ZNF385D: variants seen among roughly 807,000 people sequenced by gnomAD.
The protein encoded by ZNF385D is zinc finger protein 659.
In ZNF385D, 15 loss-of-function variants were observed where a neutral mutation model predicts 35.8. The observed-to-expected ratio is 0.42, with a 90% CI of 0.28 to 0.64. The LOEUF is 0.64. Ranked by LOEUF, ZNF385D falls within the 30% of genes least tolerant of loss-of-function variation. ZNF385D has a pLI of 0.23. For missense variants in ZNF385D, 474 were observed against 494.6 expected, an observed-to-expected ratio of 0.96 and a Z score of 0.39; for synonymous variants, 212 against 186.8, an observed-to-expected ratio of 1.13 and a Z score of -1.10.
intron 1 of ZNF385D, among the ~76,000 whole-genome samples, chr3:21,670,402 A>G (rs1015195330): frequency 3.9e-5 from 6 of 151,936 alleles, no homozygotes; most frequent in African/African-American, 1.4e-4. Context: ...AGCATTTTGT[A>G]TAATATTAGA....
intron 3 of ZNF385D, among the ~76,000 whole-genome samples, chr3:21,910,850 A>G (rs1462064312): frequency 3.9e-5 from 6 of 151,910 alleles, no homozygotes; most frequent in Non-Finnish European, 7.4e-5. Flanking sequence ...TTCAAAATGT[A>G]GAGTACTAAG....
intron 3 of ZNF385D, among the ~76,000 whole-genome samples, chr3:22,137,037 A>G (rs1437156956): frequency 6.6e-6 from 1 of 152,200 alleles, no homozygotes; most frequent in Admixed American, 6.5e-5. Context: ...AAGCCCATAG[A>G]ATGTATAACA....
At chr3:21,910,611 T>C (rs1699915907) in intron 3 of ZNF385D, among the ~76,000 whole-genome samples, 1 of 151,930 alleles carries the variant, frequency 6.6e-6, no homozygotes, top group Non-Finnish European at 1.5e-5. Context: ...TTCAGAGACC[T>C]ATAATCGTTG....
intron 2 of ZNF385D, among the ~76,000 whole-genome samples, chr3:22,346,014 A>G (rs1040949456): frequency 2.0e-5 from 3 of 152,096 alleles, no homozygotes; most frequent in Non-Finnish European, 4.4e-5. Context: ...GTTGATCCCA[A>G]AAAGAACTCC....
intron 3 of ZNF385D, among the ~76,000 whole-genome samples, chr3:21,758,996 A>C (rs997695607): frequency 4.0e-5 from 6 of 148,438 alleles, no homozygotes; most frequent in Admixed American, 6.7e-5. Context: ...AAAAAAAAAA[A>C]AAAAAAAAAA....
chr3:21,567,945 T>G (rs2063206725), intron 2 of ZNF385D, among the ~76,000 whole-genome samples: 1 of 152,138 alleles, frequency 6.6e-6, no homozygotes, highest in African/African-American at 2.4e-5. Flanking sequence ...GTCTTTAGAT[T>G]AAGTTATTTT....
chr3:21,494,933 A>G (rs142064402), intron 4 of ZNF385D, among the ~76,000 whole-genome samples: 3 of 152,288 alleles, frequency 2.0e-5, no homozygotes, highest in Admixed American at 2.0e-4. Context: ...CCTCCTTTAT[A>G]GGAAAAGATT....
chr3:22,047,949 T>C (rs1699105280), intron 3 of ZNF385D, among the ~76,000 whole-genome samples: 1 of 152,220 alleles, frequency 6.6e-6, no homozygotes, highest in African/African-American at 2.4e-5. Flanking sequence ...CTAACAGATA[T>C]GAGGTAATAG....
chr3:22,146,872 A>T (rs906734232), intron 3 of ZNF385D, among the ~76,000 whole-genome samples: 7 of 152,156 alleles, frequency 4.6e-5, no homozygotes, highest in Non-Finnish European at 1.0e-4. Flanking sequence ...ATTTCTCCTA[A>T]GTTCTGAAAC....
At chr3:21,807,731 G>C (rs1275669647) in intron 3 of ZNF385D, among the ~76,000 whole-genome samples, 1 of 152,100 alleles carries the variant, frequency 6.6e-6, no homozygotes, top group African/African-American at 2.4e-5. Flanking sequence ...AGCATCATTT[G>C]TATAATTTCT....
chr3:21,538,037 T>A (rs1393998028), intron 3 of ZNF385D, among the ~76,000 whole-genome samples: 2 of 152,068 alleles, frequency 1.3e-5, no homozygotes, highest in Non-Finnish European at 2.9e-5. Context: ...TAACATTCTG[T>A]AAGATTGAAT....
At chr3:21,631,057 A>C (rs1230242433) in intron 2 of ZNF385D, among the ~76,000 whole-genome samples, 3 of 152,108 alleles carry the variant, frequency 2.0e-5, no homozygotes, top group Non-Finnish European at 4.4e-5. Context: ...ATTTATATTT[A>C]ATGGTTTGTA....
chr3:21,772,419 G>C (rs182138265), intron 3 of ZNF385D, among the ~76,000 whole-genome samples: 3 of 151,828 alleles, frequency 2.0e-5, no homozygotes, highest in African/African-American at 4.8e-5. Context: ...AATGGACAAA[G>C]AACTTGAATA....
chr3:22,269,711 C>CT (rs974738229), intron 2 of ZNF385D, among the ~76,000 whole-genome samples: 3 of 151,710 alleles, frequency 2.0e-5, no homozygotes, highest in East Asian at 1.9e-4. Flanking sequence ...TGATCATTCT[C>CT]TTTTTTTGGG....
rs186525605 is a variant in ZNF385D at position 21,810,961 on chromosome 3, T to C, written c.326-145933A>G. Among the ~76,000 whole-genome samples the C allele has an allele frequency of 7.2e-4, 100 of 138,262 alleles. 1 individual carries two copies. The highest frequency in any genetic ancestry group is 2.5e-3 in the African/African-American group (94 of 37,440). The allele number at this position is 138,262 out of a possible 152,430, so 90.7% of individuals were successfully genotyped here. A position where few individuals can be genotyped will look rare whatever the true frequency, so the allele number is the denominator to read the frequency against. On this transcript the variant is annotated intron_variant, in intron 3 of 5. Transcript: ENST00000494108. ...AGCACATCACACACACACACATATG[T>C]GTGTGTATACGTGTGTGTGTGTGTG...
At chr3:22,071,695 G>A (rs148362451) in intron 3 of ZNF385D, among the ~76,000 whole-genome samples, 3 of 152,234 alleles carry the variant, frequency 2.0e-5, no homozygotes, top group African/African-American at 7.2e-5. Flanking sequence ...TGGGGTGGCA[G>A]ATGAATGTGA....
Position 21,498,662 on chromosome 3 carries a change from C to T in ZNF385D, c.439+12199G>A, listed in dbSNP as rs148832812. Reference sequence around the variant, plus strand: ...TCCCAACCACAATGAGATGCCACCTCACACTGGTCAGAATGGCTATTAATA... The same window carrying T: ...TCCCAACCACAATGAGATGCCACCTTACACTGGTCAGAATGGCTATTAATA... On this transcript the variant is annotated intron_variant, in intron 4 of 7. Coordinates refer to ENST00000281523, the MANE Select transcript of ZNF385D (RefSeq NM_024697.3). Among the ~76,000 whole-genome samples, 124 of 152,206 alleles carry T rather than the reference C, an allele frequency of 8.1e-4. 1 individual carries two copies. The Middle Eastern group carries it at 0.02, about 25-fold the overall frequency.
intron 3 of ZNF385D, among the ~76,000 whole-genome samples, chr3:22,120,414 G>C (rs1703030812): frequency 6.6e-6 from 1 of 151,968 alleles, no homozygotes; most frequent in Non-Finnish European, 1.5e-5. Flanking sequence ...TTGGATTAAG[G>C]ACTATACCCT....
chr3:21,593,524 G>A (rs544600491), intron 2 of ZNF385D, among the ~76,000 whole-genome samples: 8 of 152,124 alleles, frequency 5.3e-5, no homozygotes, highest in Non-Finnish European at 8.8e-5. Context: ...GGGCAGAGAA[G>A]TAAATAAAAG....
Sources: allele counts gnomAD v4.1 joint callset (sites outside exome capture counted in the v4.1 genomes callset), GRCh38; gene constraint gnomAD v4.1.1; transcripts MANE v1.5; gene names NCBI Gene and HGNC (gene_info 2026-07-23, HGNC 2026-07-21).